The following ESCO1 variants were observed in gnomAD, a reference collection of about 807,000 sequenced individuals.
The protein encoded by ESCO1 is establishment of sister chromatid cohesion N-acetyltransferase 1.
Under a neutral mutation model 83.5 loss-of-function variants are expected in ESCO1, and 33 were observed. The ratio of observed to expected loss-of-function variants is 0.40; its 90% CI spans 0.30 to 0.53. The LOEUF (loss-of-function observed/expected upper bound fraction) is 0.53. ESCO1 is among the 20% of genes least tolerant of loss of function. The probability of loss-of-function intolerance (pLI) is 0.63; values close to 1 mark genes in which losing one functional copy is unlikely to be tolerated. For missense variants in ESCO1, 855 were observed against 968.0 expected (o/e 0.88, Z 1.55); for synonymous variants, 332 against 324.3 (o/e 1.02, Z -0.25).
At chr18:21,597,761 T>C (rs537174888) in intron 1 of ESCO1, among the ~76,000 whole-genome samples, 1 of 152,282 alleles carries the variant, frequency 6.6e-6, no homozygotes, top group South Asian at 2.1e-4. Flanking sequence ...TTTGTGTGAA[T>C]CTTACACGTG....
intron 1 of ESCO1, among the ~76,000 whole-genome samples, chr18:21,589,050 T>G (rs1379988831): frequency 6.6e-6 from 1 of 152,174 alleles, no homozygotes; most frequent in African/African-American, 2.4e-5. Context: ...GAGACCAGCC[T>G]GGCCAACATG....
chr18:21,536,361 G>A (rs1202790953), intron 9 of ESCO1, among the ~76,000 whole-genome samples, 176 bp from the exon 10 acceptor site: 1 of 152,090 alleles, frequency 6.6e-6, no homozygotes, highest in African/African-American at 2.4e-5. Context: ...AGGCCAAGGC[G>A]GGTGGATTGC....
chr18:21,590,769 G>A (rs1402666718), intron 1 of ESCO1, among the ~76,000 whole-genome samples: 1 of 151,626 alleles, frequency 6.6e-6, no homozygotes, highest in Admixed American at 6.6e-5. Flanking sequence ...CCAATGTGAA[G>A]AAACCATCTC....
At chr18:21,554,277 A>G (rs1031941269) in intron 8 of ESCO1, among the ~76,000 whole-genome samples, 2 of 152,376 alleles carry the variant, frequency 1.3e-5, no homozygotes, top group Non-Finnish European at 2.9e-5. Flanking sequence ...ACGATCCAGC[A>G]ATCAAGCGTC....
At chr18:21,584,500 A>G (rs2038546477) in intron 1 of ESCO1, 60 bp from the exon 2 acceptor site, 1 of 152,042 alleles carries the variant, frequency 6.6e-6, no homozygotes, top group Non-Finnish European at 1.5e-5. Flanking sequence ...AACAACTTAG[A>G]CAAACCTAGA....
At chr18:21,539,515 G>A (rs2146172754) in intron 9 of ESCO1, among the ~76,000 whole-genome samples, 1 of 152,278 alleles carries the variant, frequency 6.6e-6, no homozygotes, top group South Asian at 2.1e-4. Context: ...CAGAATAGGT[G>A]TTTCAATATA....
chr18:21,574,346 T>A lies in ESCO1; in HGVS notation c.498A>T (p.Lys166Asn), dbSNP rs764098402. ...CATGTTTTTGACTTGTTTTATTAGA[T>A]TTACTCTGAGTACTGCTACACTGCT... ...KKEQCSSTQS[K>N]SNKTSQKHVK... Residue 166 changes from lysine (K) to asparagine (N), a missense_variant, in exon 4 of 12, where the codon AAA becomes AAT. By Grantham distance (94) the Lys-to-Asn change is moderately conservative. Transcript: ENST00000269214. 1.9e-6 allele frequency: 3 copies of A among 1,613,964 alleles called. No homozygotes were observed. The highest frequency in any genetic ancestry group is 2.5e-6 in the Non-Finnish European group (3 of 1,180,014).
At chr18:21,589,253 A>G (rs2038626801) in intron 1 of ESCO1, among the ~76,000 whole-genome samples, 2 of 151,966 alleles carry the variant, frequency 1.3e-5, no homozygotes, top group South Asian at 2.1e-4. Flanking sequence ...AAAAAAAAAA[A>G]TAGATAACAT....
Position 21,573,770 on chromosome 18 carries a change from C to G in ESCO1, c.1074G>C (p.Gln358His), listed in dbSNP as rs929267447. The G allele has an allele frequency of 5.6e-6, 9 of 1,614,154 alleles. No individual in the cohort carries two copies. The highest frequency in any genetic ancestry group is 1.7e-5 in the Admixed American group (1 of 60,006). Residue 358 changes from glutamine to histidine, a missense_variant, in exon 4 of 12, where the codon CAG (glutamine) becomes CAC (histidine). Physicochemically the swap from Gln to His is conservative, Grantham distance 24. Around this residue, in one of 2 missense-constraint regions of ESCO1, gnomAD observed 726 missense variants for 699.5 expected, o/e 1.04. Transcript: ENST00000269214. ...GGAAAAAACGATTACATTGCACATC[C>G]TGATTTGTTTCCTTCTGATGAAGTA... The part of the protein sequence containing the change: ...RQILHQKETN[Q>H]DVQCNRFFPS...
At chr18:21,561,351 T>G (rs2038183712) in intron 7 of ESCO1, among the ~76,000 whole-genome samples, 1 of 152,178 alleles carries the variant, frequency 6.6e-6, no homozygotes, top group Non-Finnish European at 1.5e-5. Flanking sequence ...AAAAAGTTTT[T>G]TTGATACAGG....
chr18:21,587,202 T>A (rs936716838), intron 1 of ESCO1, among the ~76,000 whole-genome samples: 3 of 152,224 alleles, frequency 2.0e-5, no homozygotes, highest in African/African-American at 7.2e-5. Flanking sequence ...AGTTTTCTTG[T>A]GATGTCTTTG....
At chr18:21,550,344 T>A (rs1395561111) in intron 8 of ESCO1, among the ~76,000 whole-genome samples, 1 of 152,236 alleles carries the variant, frequency 6.6e-6, no homozygotes, top group Non-Finnish European at 1.5e-5. Context: ...TTAAGTGAAC[T>A]TCTACTATAA....
At chr18:21,541,932 T>C (rs752631257) in intron 8 of ESCO1, among the ~76,000 whole-genome samples, 10 of 152,194 alleles carry the variant, frequency 6.6e-5, no homozygotes, top group Non-Finnish European at 1.5e-4. Flanking sequence ...TGTCATTATA[T>C]TGCATTATAG....
intron 1 of ESCO1, among the ~76,000 whole-genome samples, chr18:21,595,364 CAA>C (rs781532392): frequency 1.4e-4 from 6 of 43,740 alleles, no homozygotes; most frequent in Admixed American, 2.5e-4. Context: ...AACTCCGTCT[CAA>C]AAAAAAAAAA....
chr18:21,565,005 G>T (rs1465510098), intron 6 of ESCO1, among the ~76,000 whole-genome samples: 1 of 152,172 alleles, frequency 6.6e-6, no homozygotes, highest in Non-Finnish European at 1.5e-5. Context: ...GAACCTGGGA[G>T]GCGGAGGTTG....
chr18:21,532,325 G>A (rs2037777683), intron 11 of ESCO1, 148 bp downstream of exon 11: 1 of 732,942 alleles, frequency 1.4e-6, no homozygotes, highest in African/African-American at 1.8e-5. Flanking sequence ...AGTACTTACA[G>A]ATCCAATACA....
Position 21,558,020 on chromosome 18 carries a change from C to T in ESCO1, c.1953+2839G>A, listed in dbSNP as rs76278154. On this transcript the variant is annotated intron_variant, in intron 8 of 11. Transcript: ENST00000269214. ...TTTGAAACAGGGTCCTGCTCTGTCA[C>T]GCAGGCAGTGATGCAATCTTGGCTC... 6.7e-4 allele frequency among the ~76,000 whole-genome samples: 100 copies of T among 149,428 alleles called. 1 individual carries two copies. The highest frequency in any genetic ancestry group is 3.7e-3 in the Admixed American group (56 of 14,940).
intron 8 of ESCO1, among the ~76,000 whole-genome samples, chr18:21,547,355 A>G (rs2037987392): frequency 9.2e-3 from 2 of 218 alleles, no homozygotes; most frequent in African/African-American, 0.011. Flanking sequence ...ACAGATTTGA[A>G]AAAAAAAAAA....
intron 6 of ESCO1, among the ~76,000 whole-genome samples, chr18:21,565,587 T>C (rs2038248894): frequency 6.6e-6 from 1 of 152,162 alleles, no homozygotes; most frequent in Admixed American, 6.5e-5. Context: ...TCATAAAGCA[T>C]AGAACTGTTA....
Sources: allele counts gnomAD v4.1 joint callset (sites outside exome capture counted in the v4.1 genomes callset), GRCh38; gene constraint gnomAD v4.1.1; regional missense constraint gnomAD v4.1.1; transcripts MANE v1.5; gene names NCBI Gene and HGNC (gene_info 2026-07-23, HGNC 2026-07-21).